Variants in MED23 observed in about 807,000 individuals in gnomAD.
MED23 encodes mediator of RNA polymerase II transcription subunit 23.
MED23 carries 105 observed loss-of-function variants against 163.9 expected under a neutral mutation model. The ratio of observed to expected loss-of-function variants is 0.64; its 90% CI spans 0.55 to 0.75. The LOEUF (loss-of-function observed/expected upper bound fraction) is 0.75, where lower values mean the gene tolerates loss of function less well. Ranked by LOEUF, MED23 falls within the 30% of genes least tolerant of loss-of-function variation. The pLI is 0.00. For missense variants in MED23, 1,054 were observed against 1,649.0 expected, an observed-to-expected ratio of 0.64 and a Z score of 6.25; for synonymous variants, 561 against 565.6, an observed-to-expected ratio of 0.99 and a Z score of 0.12.
At chr6:131,591,277 C>A (rs747528124) in intron 26 of MED23, 36 bp downstream of exon 26, 2 of 1,529,936 alleles carry the variant, frequency 1.3e-6, no homozygotes, top group Non-Finnish European at 1.8e-6. Flanking sequence ...CGCACCCAGC[C>A]TACGTCAAAT....
intron 30 of MED23, among the ~76,000 whole-genome samples, chr6:131,574,731 G>T (rs1402064854): frequency 6.6e-6 from 1 of 152,134 alleles, no homozygotes; most frequent in Admixed American, 6.5e-5. Flanking sequence ...GAGGGCAGAT[G>T]ACTAAAATGT....
At chr6:131,611,756 G>A (rs1339320158) in intron 10 of MED23, among the ~76,000 whole-genome samples, 1 of 152,046 alleles carries the variant, frequency 6.6e-6, no homozygotes, top group Non-Finnish European at 1.5e-5. Flanking sequence ...CACTAGTGAT[G>A]GGAATTTGCT....
At chr6:131,628,268 G>T, upstream of MED23, 1 of 577,304 alleles carries the variant, frequency 1.7e-6, no homozygotes, top group Non-Finnish European at 3.1e-6. Context: ...CGCGCCGTTT[G>T]CAAACCCCGC....
intron 17 of MED23, 27 bp downstream of exon 17, chr6:131,602,191 T>C (rs778473422): frequency 1.9e-6 from 3 of 1,609,212 alleles, no homozygotes; most frequent in East Asian, 2.2e-5. Flanking sequence ...TCATCTGTTG[T>C]TGTTTGTAGT....
intron 30 of MED23, among the ~76,000 whole-genome samples, chr6:131,577,769 G>A (rs548689000): frequency 6.6e-6 from 1 of 152,054 alleles, no homozygotes; most frequent in Admixed American, 6.6e-5. Flanking sequence ...GCTGGGCGTG[G>A]TGGCATGAGC....
intron 10 of MED23, among the ~76,000 whole-genome samples, chr6:131,611,018 A>C (rs1776241913): frequency 1.3e-5 from 2 of 152,314 alleles, no homozygotes; most frequent in Admixed American, 1.3e-4. Context: ...AAGTGATTTA[A>C]AAAATATATT....
chr6:131,625,742 A>T (rs1397488842), intron 3 of MED23, among the ~76,000 whole-genome samples: 1 of 152,180 alleles, frequency 6.6e-6, no homozygotes, highest in Admixed American at 6.5e-5. Context: ...GAGAAATGCA[A>T]AATAAAATTA....
At position 131,598,205 on chromosome 6, in the gene MED23, A is replaced by G. The variant is rs1183899010; in HGVS notation, c.2607+82T>C. ...ATAAATTCATTAAATCCTTCAAAGCAATATAGAGCAGATTGGCATAACATA... is the reference window on the plus strand; with the variant it reads ...ATAAATTCATTAAATCCTTCAAAGCGATATAGAGCAGATTGGCATAACATA... On this transcript the variant is annotated intron_variant, in intron 20 of 28. Coordinates refer to ENST00000368068, the MANE Select transcript of MED23 (RefSeq NM_004830.4). This position sits in a 1 kb window ranked among gnomAD's most constrained non-coding sequence, Gnocchi z 4.7. 1 of 1,320,934 alleles carries G rather than the reference A, an allele frequency of 7.6e-7. No homozygotes were observed. Among genetic ancestry groups the G allele is most frequent in the Non-Finnish European group, 1.1e-6 (1 of 920,030 alleles). 81.8% of individuals were successfully genotyped at this position (1,320,934 alleles called of 1,614,324 possible).
In MED23 at chr6:131,598,398, A is replaced by G; in HGVS notation, c.2496T>C (p.Tyr832=). 6.2e-7 allele frequency: 1 copy of G among 1,614,196 alleles called. No homozygotes were observed. Among genetic ancestry groups the G allele is most frequent in the South Asian group, 1.1e-5 (1 of 91,088 alleles). ...HVRTFADFLV[Y]EFSTSAGGQQ... ...GACCCCCTGCTGATGTAGAAAACTC[A>G]TATACCAGGAAATCTGCAAATGTCC... The change falls in exon 20 of 29, where the codon TAT becomes TAC. Residue 832 remains tyrosine (Y), a synonymous_variant. Transcript: ENST00000368068. This position sits in a 1 kb window ranked among gnomAD's most constrained non-coding sequence, Gnocchi z 4.7.
At chr6:131,593,193 A>G in intron 23 of MED23, 22 bp from the exon 24 acceptor site, 1 of 1,614,018 alleles carries the variant, frequency 6.2e-7, no homozygotes, top group Non-Finnish European at 8.5e-7. Context: ...TAAAGCAATA[A>G]CAATTGGACT....
chr6:131,574,780 T>C (rs1030148908), intron 30 of MED23, among the ~76,000 whole-genome samples: 9 of 152,154 alleles, frequency 5.9e-5, no homozygotes, highest in Non-Finnish European at 1.0e-4. Flanking sequence ...CTCACCTCCT[T>C]GAAAGGCTTG....
chr6:131,596,453 C>A, intron 21 of MED23, 65 bp downstream of exon 21: 1 of 1,569,868 alleles, frequency 6.4e-7, no homozygotes, highest in Non-Finnish European at 8.8e-7. Flanking sequence ...ACGGCCAAAT[C>A]ACTTCATCAA....
At position 131,605,325 on chromosome 6, in the gene MED23, G is replaced by A. The variant is rs1775777469; in HGVS notation, c.1528C>T (p.Pro510Ser). The A allele has an allele frequency of 6.2e-7, 1 of 1,613,326 alleles. No individual in the cohort carries two copies. Among genetic ancestry groups the A allele is most frequent in the Non-Finnish European group, 8.5e-7 (1 of 1,179,524 alleles). ...YGNGIMRIPL[P>S]GTNCMASGSI... Reference sequence around the variant, plus strand: ...CCTGAAGCCATACAGTTTGTTCCAGGGAGAGGTATCCTCATAATTCCATTT... The same window carrying A: ...CCTGAAGCCATACAGTTTGTTCCAGAGAGAGGTATCCTCATAATTCCATTT... The change falls in exon 14 of 29, where the codon CCT becomes TCT. Residue 510 changes from proline (P) to serine (S), a missense_variant. By Grantham distance (74) the Pro-to-Ser change is moderately conservative (BLOSUM62 -1). This residue lies in a region of MED23 where 54 missense variants were observed against 89.8 expected (regional missense o/e 0.60). Coordinates refer to ENST00000368068, the MANE Select transcript of MED23 (RefSeq NM_004830.4).
chr6:131,588,870 G>T (rs940051301), intron 28 of MED23, among the ~76,000 whole-genome samples: 3 of 152,098 alleles, frequency 2.0e-5, no homozygotes, highest in Non-Finnish European at 2.9e-5. Context: ...AACTTTACCA[G>T]AATTCATACA....
Position 131,598,630 on chromosome 6 carries a change from G to C in MED23, c.2352C>G (p.Gly784=). The change falls in exon 19 of 29, where the codon GGC becomes GGG. Residue 784 remains glycine, a synonymous_variant. Coordinates refer to ENST00000368068, the MANE Select transcript of MED23 (RefSeq NM_004830.4). This position sits in a 1 kb window ranked among gnomAD's most constrained non-coding sequence, Gnocchi z 4.7. ...GAAGACAAAGAAAGAGAGGAGGGGA[G>C]CCCTGCATAGAGAAGTGGGTAATAA... ...NDIITHFSMQ[G]SPPLFLCLLW... is the part of the protein sequence containing the mutation. The C allele has an allele frequency of 6.2e-7, 1 of 1,614,104 alleles. No individual in the cohort carries two copies. The highest frequency in any genetic ancestry group is 8.5e-7 in the Non-Finnish European group (1 of 1,180,004).
Position 131,586,937 on chromosome 6 carries a change from C to A in MED23, c.*742G>T, listed in dbSNP as rs772741561. Reference sequence around the variant, plus strand: ...ATCATCTGTCAGGTGAGAGTGTCAACCTGCAAAAGCAATTAACTTATTTTT... The same window carrying A: ...ATCATCTGTCAGGTGAGAGTGTCAAACTGCAAAAGCAATTAACTTATTTTT... On this transcript the variant is annotated 3_prime_UTR_variant, in exon 29 of 29. Coordinates refer to ENST00000368068, the MANE Select transcript of MED23 (RefSeq NM_004830.4). 1 of 1,481,040 alleles carries A rather than the reference C, an allele frequency of 6.8e-7. No homozygotes were observed. Among genetic ancestry groups the A allele is most frequent in the South Asian group, 1.4e-5 (1 of 73,178 alleles). 91.7% of individuals were successfully genotyped at this position (1,481,040 alleles called of 1,614,324 possible).
In MED23 at chr6:131,621,973, G is replaced by A. The variant is rs746388016; in HGVS notation, c.403C>T (p.Arg135Ter). 3.7e-6 allele frequency: 6 copies of A among 1,609,846 alleles called. No homozygotes were observed. In the African/African-American group the frequency reaches 5.3e-5, roughly 14 times the overall value. Residue 135 changes from arginine (R) to a stop codon, truncating the protein, a stop_gained, in exon 6 of 29, where the codon CGA (arginine) becomes TGA (stop). Transcript: ENST00000368068. LOFTEE classifies it high-confidence loss of function. ...IIGGVDYKGV[R>*]DLLKVILEKI... ...TCCAAAATCACTTTTAAGAGATCTC[G>A]AACACCCTGATATAAGAAAAAAGAC...
intron 4 of MED23, among the ~76,000 whole-genome samples, chr6:131,624,495 G>A (rs1434327518): frequency 6.6e-6 from 1 of 152,198 alleles, no homozygotes; most frequent in East Asian, 1.9e-4. Flanking sequence ...CAATCATTAT[G>A]ACCTTGAGTA....
Position 131,598,878 on chromosome 6 carries a change from A to G in MED23, c.2221-117T>C. Reference sequence around the variant, plus strand: ...CACTAATAAACTCTAGGTCACCTTGAGCAACTCAGCAATTAAGGCCTGAAT... The same window carrying G: ...CACTAATAAACTCTAGGTCACCTTGGGCAACTCAGCAATTAAGGCCTGAAT... On this transcript the variant is annotated intron_variant, in intron 18 of 28. Coordinates refer to ENST00000368068, the MANE Select transcript of MED23 (RefSeq NM_004830.4). The surrounding 1 kb of genome is among the most constrained non-coding windows in gnomAD (Gnocchi z 4.7). 1.1e-6 allele frequency: 1 copy of G among 900,352 alleles called. No individual in the cohort carries two copies. The highest frequency in any genetic ancestry group is 1.8e-6 in the Non-Finnish European group (1 of 560,500). The allele number at this position is 900,352 out of a possible 1,614,324, so 55.8% of individuals were successfully genotyped here.
Sources: allele counts gnomAD v4.1 joint callset (sites outside exome capture counted in the v4.1 genomes callset), GRCh38; gene constraint gnomAD v4.1.1; regional missense constraint gnomAD v4.1.1; non-coding constraint Gnocchi (gnomAD v3.1); transcripts MANE v1.5; gene names NCBI Gene and HGNC (gene_info 2026-07-23, HGNC 2026-07-21).